CATSPER1: variants seen among roughly 807,000 people sequenced by gnomAD.
CATSPER1 encodes cation channel sperm-associated protein 1.
CATSPER1 carries 57 observed loss-of-function variants against 72.7 expected under a neutral mutation model. The ratio of observed to expected loss-of-function variants is 0.78; its 90% confidence interval spans 0.63 to 0.98. The LOEUF (loss-of-function observed/expected upper bound fraction) is 0.98, where lower values mean the gene tolerates loss of function less well. CATSPER1 is among the 50% of genes least tolerant of loss of function. CATSPER1 has a pLI of 0.00. For synonymous variants in CATSPER1, 363 were observed against 403.0 expected (o/e 0.90, Z 1.19); for missense variants, 910 against 1,033.9 (o/e 0.88, Z 1.64).
Position 66,017,193 on chromosome 11 carries a change from G to GTGGGGGGGGGGGGGGGGGGGGGGGC in CATSPER1, c.2202-20_2202-19insGCCCCCCCCCCCCCCCCCCCCCCCA. Reference sequence around the variant, plus strand: ...CTGCTGCCTGCGGGTGGGCGGGGGGGTCGCAGAGACAGGGGCTGGGCTGAC... The same window carrying GTGGGGGGGGGGGGGGGGGGGGGGGC: ...CTGCTGCCTGCGGGTGGGCGGGGGGGTGGGGGGGGGGGGGGGGGGGGGGGCTCGCAGAGACAGGGGCTGGGCTGAC... On this transcript the variant is annotated intron_variant, in intron 10 of 11. Coordinates refer to ENST00000312106, the MANE Select transcript of CATSPER1 (RefSeq NM_053054.4). 4.1e-6 allele frequency: 2 copies of GTGGGGGGGGGGGGGGGGGGGGGGGC among 493,810 alleles called. No individual in the cohort carries two copies. Among genetic ancestry groups the GTGGGGGGGGGGGGGGGGGGGGGGGC allele is most frequent in the Non-Finnish European group, 7.9e-6 (2 of 252,618 alleles). The allele number at this position is 493,810 out of a possible 1,614,324, so 30.6% of individuals were successfully genotyped here. A position where few individuals can be genotyped will look rare whatever the true frequency, so the allele number is the denominator to read the frequency against.
At position 66,021,142 on chromosome 11, in the gene CATSPER1, A is replaced by C; in HGVS notation, c.1735T>G (p.Ser579Ala). Residue 579 changes from serine to alanine, a missense_variant, in exon 5 of 12, where the codon TCC (serine) becomes GCC (alanine). Coordinates refer to ENST00000312106, the MANE Select transcript of CATSPER1 (RefSeq NM_053054.4). ...VQEVTGTLGQ[S>A]LPSIAAILIL... Reference sequence around the variant, plus strand: ...AGGATGGCTGCGATGGACGGCAAGGACTGGCCCAGGGTCCCTGTCACTTCC... The same window carrying C: ...AGGATGGCTGCGATGGACGGCAAGGCCTGGCCCAGGGTCCCTGTCACTTCC... 1 of 1,613,466 alleles carries C rather than the reference A, an allele frequency of 6.2e-7. No homozygotes were observed. Among genetic ancestry groups the C allele is most frequent in the Non-Finnish European group, 8.5e-7 (1 of 1,179,832 alleles).
chr11:66,016,828 C>G lies in CATSPER1; in HGVS notation c.*62G>C. The G allele has an allele frequency of 6.4e-7, 1 of 1,568,878 alleles. No individual in the cohort carries two copies. The highest frequency in any genetic ancestry group is 8.7e-7 in the Non-Finnish European group (1 of 1,149,702). On this transcript the variant is annotated 3_prime_UTR_variant, in exon 12 of 12. Transcript: ENST00000312106. The stretch of plus-strand genomic sequence containing the variant: ...ATTCCAGCAGATCTGGGGACCCGTC[C>G]CAGTGCACCCAGGTGGGCAGACTGC...
Position 66,026,353 on chromosome 11 carries a change from C to T in CATSPER1, c.27G>A (p.Lys9=), listed in dbSNP as rs767012151. The part of the protein sequence containing the change: MDQNSVPE[K]AQNEADTNNA... ...TATTGGTGTCTGCCTCATTCTGAGC[C>T]TTTTCAGGCACTGAGTTTTGATCCA... Residue 9 remains lysine, a synonymous_variant, in exon 1 of 12, where the codon AAG becomes AAA. Transcript: ENST00000312106. 1 of 1,613,836 alleles carries T rather than the reference C, an allele frequency of 6.2e-7. No homozygotes were observed. The highest frequency in any genetic ancestry group is 2.2e-5 in the East Asian group (1 of 44,878).
chr11:66,022,724 A>G (rs1856401144), intron 2 of CATSPER1, 125 bp downstream of exon 2: 1 of 891,846 alleles, frequency 1.1e-6, no homozygotes, highest in Non-Finnish European at 1.8e-6. Flanking sequence ...AAGGCCATCT[A>G]CTTCCCAGGG....
intron 2 of CATSPER1, among the ~76,000 whole-genome samples, chr11:66,022,272 G>A (rs1482944226): frequency 1.3e-5 from 2 of 152,114 alleles, no homozygotes; most frequent in Non-Finnish European, 2.9e-5. Flanking sequence ...CCCGGGAGGC[G>A]GAGGTTGCAG....
intron 2 of CATSPER1, among the ~76,000 whole-genome samples, chr11:66,022,303 C>G (rs1043459865): frequency 1.3e-5 from 2 of 152,148 alleles, no homozygotes; most frequent in Non-Finnish European, 2.9e-5. Context: ...CCACTGCACT[C>G]CAGCCTGGGT....
intron 1 of CATSPER1, among the ~76,000 whole-genome samples, chr11:66,023,720 G>C (rs1324165006): frequency 6.6e-6 from 1 of 151,652 alleles, no homozygotes; most frequent in African/African-American, 2.4e-5. Context: ...TTGGGGATTT[G>C]GAGTTGGCTT....
rs151326038 is a variant in CATSPER1 at position 66,023,394 on chromosome 11, C to T, written c.1217-333G>A. 1.9e-3 allele frequency among the ~76,000 whole-genome samples: 289 copies of T among 152,200 alleles called. 4 individuals are homozygous for T. Among genetic ancestry groups the T allele is most frequent in the African/African-American group, 6.4e-3 (268 of 41,558 alleles). The stretch of plus-strand genomic sequence containing the variant: ...CATGAAGTACCACTCTGCAGGGACA[C>T]AGGGGTGCGCTCAGGGCTGTCCCCA... On this transcript the variant is annotated intron_variant, in intron 1 of 11. Coordinates refer to ENST00000312106, the MANE Select transcript of CATSPER1 (RefSeq NM_053054.4).
At chr11:66,017,686 T>G (rs902358038) in intron 10 of CATSPER1, among the ~76,000 whole-genome samples, 2 of 152,188 alleles carry the variant, frequency 1.3e-5, no homozygotes, top group Admixed American at 1.3e-4. Context: ...CCCGCCATCT[T>G]GTCAACCCAT....
intron 10 of CATSPER1, among the ~76,000 whole-genome samples, chr11:66,018,427 A>G (rs1000902696): frequency 1.3e-5 from 2 of 151,818 alleles, no homozygotes; most frequent in Admixed American, 6.6e-5. Flanking sequence ...TGTTCCTCCA[A>G]CCGCCTCATT....
rs752645349 is a variant in CATSPER1, at chr11:66,025,736, C to T, written c.644G>A (p.Arg215His). 3.3e-5 allele frequency: 53 copies of T among 1,613,304 alleles called. No individual in the cohort carries two copies. Among genetic ancestry groups the T allele is most frequent in the Admixed American group, 2.2e-4 (13 of 59,928 alleles). The change falls in exon 1 of 12, where the codon CGT (arginine) becomes CAT (histidine). Residue 215 changes from arginine (R) to histidine (H), a missense_variant. Coordinates refer to ENST00000312106, the MANE Select transcript of CATSPER1 (RefSeq NM_053054.4). ...DESQHHQVPHRGWPHHHQVHH... is the reference protein window; with the variant it reads ...DESQHHQVPHHGWPHHHQVHH... ...GACTTGGTGATGGTGGGGCCAGCCA[C>T]GGTGGGGGACTTGGTGATGCTGGGA... is the stretch of plus-strand genomic sequence containing the variant.
chr11:66,025,144 G>A lies in CATSPER1; in HGVS notation c.1216+20C>T. Reference sequence around the variant, plus strand: ...CGCCAGGCAGCAGGAGTTGGCATGGGGGGCCCAGCAAAGACTCACTTTTGC... The same window carrying A: ...CGCCAGGCAGCAGGAGTTGGCATGGAGGGCCCAGCAAAGACTCACTTTTGC... On this transcript the variant is annotated intron_variant, in intron 1 of 11. Coordinates refer to ENST00000312106, the MANE Select transcript of CATSPER1 (RefSeq NM_053054.4). The A allele has an allele frequency of 6.2e-7, 1 of 1,614,032 alleles. No homozygotes were observed.
chr11:66,021,578 A>G lies in CATSPER1; in HGVS notation c.1609T>C (p.Tyr537His). ...LLMQTHSFAI[Y>H]HQSLFRILKV... ...AGGATCCGGAAGAGGCTTTGGTGGT[A>G]GATGGCGAAGGAGTGGGTCTGCATC... The change falls in exon 4 of 12, where the codon TAC becomes CAC. Residue 537 changes from tyrosine to histidine, a missense_variant. By Grantham distance (83) the Tyr-to-His change is moderately conservative. Coordinates refer to ENST00000312106, the MANE Select transcript of CATSPER1 (RefSeq NM_053054.4). 1 of 1,613,250 alleles carries G rather than the reference A, an allele frequency of 6.2e-7. No homozygotes were observed. The highest frequency in any genetic ancestry group is 8.5e-7 in the Non-Finnish European group (1 of 1,179,642).
chr11:66,024,877 A>C (rs1299822935), intron 1 of CATSPER1, among the ~76,000 whole-genome samples: 1 of 152,238 alleles, frequency 6.6e-6, no homozygotes, highest in East Asian at 1.9e-4. Flanking sequence ...GCCATGGCCC[A>C]GGCAGGCCAC....
chr11:66,024,366 C>T (rs1367008237), intron 1 of CATSPER1, among the ~76,000 whole-genome samples: 2 of 151,074 alleles, frequency 1.3e-5, no homozygotes, highest in Non-Finnish European at 2.9e-5. Flanking sequence ...CAACCTCTGC[C>T]TCCTGGGTTC....
In CATSPER1 at chr11:66,020,153, C is replaced by T; in HGVS notation, c.2112G>A (p.Glu704=). The T allele has an allele frequency of 1.2e-6, 2 of 1,613,276 alleles. No individual in the cohort carries two copies. Among genetic ancestry groups the T allele is most frequent in the Non-Finnish European group, 1.7e-6 (2 of 1,180,034 alleles). Residue 704 remains glutamate, a synonymous_variant, in exon 9 of 12, where the codon GAG becomes GAA. Transcript: ENST00000312106. This position sits in a 1 kb window ranked among gnomAD's most constrained non-coding sequence, Gnocchi z 4.5. ...QEKLLEDSLT[E]LRAAEPKEVA... ...CCAGGCCCATACCTGCAGCTCTGAG[C>T]TCCGTCAGTGAGTCTTCCAGCAGCT...
chr11:66,019,007 C>G (rs1856298299), intron 9 of CATSPER1, 105 bp from the exon 10 acceptor site: 1 of 971,280 alleles, frequency 1.0e-6, no homozygotes, highest in Non-Finnish European at 1.6e-6. Flanking sequence ...TCTGGCCAGG[C>G]TGCTCCAGGA....
chr11:66,016,804 T>C lies in CATSPER1; in HGVS notation c.*86A>G. The C allele has an allele frequency of 6.7e-7, 1 of 1,482,516 alleles. No individual in the cohort carries two copies. Among genetic ancestry groups the C allele is most frequent in the Non-Finnish European group, 9.2e-7 (1 of 1,084,682 alleles). 91.8% of individuals were successfully genotyped at this position (1,482,516 alleles called of 1,614,324 possible). ...CTGCTCTGCAGGGCCCGGACAATCA[T>C]TCCAGCAGATCTGGGGACCCGTCCC... is the stretch of plus-strand genomic sequence containing the variant. On this transcript the variant is annotated 3_prime_UTR_variant, in exon 12 of 12. Coordinates refer to ENST00000312106, the MANE Select transcript of CATSPER1 (RefSeq NM_053054.4).
chr11:66,025,501 G>A lies in CATSPER1; in HGVS notation c.879C>T (p.Thr293=). 2 of 1,608,892 alleles carry A rather than the reference G, an allele frequency of 1.2e-6. No homozygotes were observed. The highest frequency in any genetic ancestry group is 1.1e-5 in the South Asian group (1 of 90,190). The change falls in exon 1 of 12, where the codon ACC becomes ACT. Residue 293 remains threonine (T), a synonymous_variant. Coordinates refer to ENST00000312106, the MANE Select transcript of CATSPER1 (RefSeq NM_053054.4). ...GCTGATGGTAGTCTCGGTGCCGGTG[G>A]GTCTGGTGGTAGTGGTGCTGTGTGT... is the stretch of plus-strand genomic sequence containing the variant. ...PHHTQHHYHQ[T]HRHRDYHQHQ...
Sources: gnomAD v4.1 joint callset for allele counts (sites outside exome capture counted in the v4.1 genomes callset) on GRCh38, gnomAD v4.1.1 for gene constraint, Gnocchi (gnomAD v3.1) non-coding constraint, MANE v1.5 for transcripts, NCBI Gene and HGNC (gene_info 2026-07-23, HGNC 2026-07-21) for gene names.